CHLSN: variants seen among roughly 807,000 people sequenced by gnomAD.
CHLSN encodes cholesin.
chr7:1,007,271 G>A, the CHLSN span, among the ~76,000 whole-genome samples: 5 of 152,222 alleles, frequency 3.3e-5, no homozygotes, highest in Admixed American at 2.0e-4. Context: ...AGATGGCCAT[G>A]GGCCACGGCG....
the CHLSN span, among the ~76,000 whole-genome samples, chr7:979,652 T>C: frequency 6.6e-6 from 1 of 151,570 alleles, no homozygotes; most frequent in Non-Finnish European, 1.5e-5. Context: ...CTCGGGAGGC[T>C]GAGGCAGGAG....
the CHLSN span, among the ~76,000 whole-genome samples, chr7:1,070,775 G>C: frequency 7.2e-6 from 1 of 138,822 alleles, no homozygotes; most frequent in African/African-American, 2.9e-5. Flanking sequence ...ACATGCACAC[G>C]CACGCACACG....
the CHLSN span, chr7:988,255 T>G: frequency 6.4e-7 from 1 of 1,559,078 alleles, no homozygotes; most frequent in Non-Finnish European, 8.7e-7. Flanking sequence ...CCCCTCTCTC[T>G]GTGCCCCGGC....
chr7:1,028,049 C>T, the CHLSN span, among the ~76,000 whole-genome samples: 3 of 152,120 alleles, frequency 2.0e-5, no homozygotes, highest in African/African-American at 4.8e-5. Flanking sequence ...CCGTCCAGGG[C>T]CTGCTCGGGG....
the CHLSN span, among the ~76,000 whole-genome samples, chr7:1,135,938 A>AGTATATATAAATATATATAAATATATAT: frequency 7.4e-4 from 90 of 121,570 alleles, no homozygotes; most frequent in African/African-American, 3.2e-3. Flanking sequence ...TAAATATATA[A>AGTATATATAAATATATATAAATATATAT]GTATATATAA....
the CHLSN span, among the ~76,000 whole-genome samples, chr7:1,100,778 A>C: frequency 5.9e-5 from 9 of 152,068 alleles, no homozygotes; most frequent in African/African-American, 1.9e-4. Context: ...GTTAAAAAAA[A>C]AAACAAAACA....
the CHLSN span, among the ~76,000 whole-genome samples, chr7:993,405 A>G: frequency 7.9e-5 from 12 of 152,238 alleles, no homozygotes; most frequent in Non-Finnish European, 1.6e-4. Flanking sequence ...GCCCAGCTGG[A>G]GGCTGCCAGC....
chr7:992,132 C>G, the CHLSN span, among the ~76,000 whole-genome samples: 1 of 152,158 alleles, frequency 6.6e-6, no homozygotes, highest in Non-Finnish European at 1.5e-5. Flanking sequence ...CGTGGCTGAA[C>G]TGCTCCCCGG....
the CHLSN span, among the ~76,000 whole-genome samples, chr7:1,019,216 G>A: frequency 1.5e-5 from 2 of 137,052 alleles, no homozygotes; most frequent in South Asian, 5.6e-4. Context: ...AAAAAACGGG[G>A]GGGGGGGAGT....
the CHLSN span, among the ~76,000 whole-genome samples, chr7:1,068,079 A>G: frequency 6.6e-6 from 1 of 152,098 alleles, no homozygotes; most frequent in African/African-American, 2.4e-5. Flanking sequence ...CTCCTCTCCC[A>G]GTAAGGTCCG....
chr7:1,030,050 C>A, the CHLSN span, among the ~76,000 whole-genome samples: 2 of 152,188 alleles, frequency 1.3e-5, no homozygotes, highest in African/African-American at 4.8e-5. Flanking sequence ...AGTGTGTGCT[C>A]AGTCACCGGT....
chr7:1,078,573 C>T, the CHLSN span, among the ~76,000 whole-genome samples: 1 of 151,486 alleles, frequency 6.6e-6, no homozygotes, highest in Admixed American at 6.6e-5. Flanking sequence ...CGAGGCCTAA[C>T]GCCCCCCACG....
the CHLSN span, among the ~76,000 whole-genome samples, chr7:985,759 T>C: frequency 6.6e-6 from 1 of 152,204 alleles, no homozygotes; most frequent in Non-Finnish European, 1.5e-5. Context: ...AGCTTCAAAA[T>C]GTAAAGATCC....
At chr7:991,780 C>T in the CHLSN span, among the ~76,000 whole-genome samples, 23 of 152,364 alleles carry the variant, frequency 1.5e-4, no homozygotes, top group Non-Finnish European at 2.8e-4. Flanking sequence ...GGCACATTCA[C>T]GGCCACCACT....
the CHLSN span, among the ~76,000 whole-genome samples, chr7:1,015,086 A>G: frequency 1.3e-5 from 2 of 151,886 alleles, no homozygotes; most frequent in African/African-American, 2.4e-5. Context: ...AAGGACAGTG[A>G]CCCCTGCCCA....
the CHLSN span, among the ~76,000 whole-genome samples, chr7:1,107,835 A>G: frequency 6.7e-6 from 1 of 149,540 alleles, no homozygotes; most frequent in Non-Finnish European, 1.5e-5. Flanking sequence ...CCCACACTGG[A>G]GACCCGCACC....
chr7:984,920 G>C, the CHLSN span: 18 of 1,556,838 alleles, frequency 1.2e-5, no homozygotes, highest in Admixed American at 9.0e-5. Context: ...GTGGGAACCT[G>C]GGCTCACCAC....
At chr7:1,097,015 G>A in the CHLSN span, among the ~76,000 whole-genome samples, 1 of 152,204 alleles carries the variant, frequency 6.6e-6, no homozygotes, top group African/African-American at 2.4e-5. The surrounding 1 kb of genome is among the most constrained non-coding windows in gnomAD (Gnocchi z 4.3). Context: ...CCTGAAGCCG[G>A]GGCTCTCCCA....
At chr7:1,030,752 CG>C in the CHLSN span, among the ~76,000 whole-genome samples, 2 of 145,570 alleles carry the variant, frequency 1.4e-5, no homozygotes, top group Admixed American at 1.4e-4. Context: ...CTCTCTCTCC[CG>C]GGGCACGCGG....
Sources: gnomAD v4.1 joint callset for allele counts (sites outside exome capture counted in the v4.1 genomes callset) on GRCh38, gnomAD v4.1.1 for gene constraint, Gnocchi (gnomAD v3.1) non-coding constraint, MANE v1.5 for transcripts, NCBI Gene and HGNC (gene_info 2026-07-23, HGNC 2026-07-21) for gene names.